The following FTCDNL1 variants were observed in gnomAD, a reference collection of about 807,000 sequenced individuals.
FTCDNL1 encodes the protein formiminotransferase N-terminal subdomain-containing protein.
A neutral mutation model predicts 5.9 loss-of-function variants in FTCDNL1; 11 were observed. The observed-to-expected ratio is 1.87, with a 90% CI of 1.18 to 3.10. The LOEUF (loss-of-function observed/expected upper bound fraction) is 3.10, where lower values mean the gene tolerates loss of function less well. Ranked by LOEUF, FTCDNL1 falls within the 30% of genes most tolerant of loss-of-function variation. The pLI, the probability that FTCDNL1 is intolerant of heterozygous loss-of-function variation, is 0.00. For synonymous variants in FTCDNL1, 58 were observed against 24.8 expected (o/e 2.34, Z -3.99); for missense variants, 115 against 65.5 (o/e 1.76, Z -2.61).
intron 3 of FTCDNL1, among the ~76,000 whole-genome samples, chr2:199,841,123 C>T (rs901763245): frequency 6.6e-6 from 1 of 151,916 alleles, no homozygotes; most frequent in Non-Finnish European, 1.5e-5. Context: ...TGCACTCCAG[C>T]CTGGCCAACC....
At chr2:199,670,974 C>T in the FTCDNL1 span, among the ~76,000 whole-genome samples, 5 of 152,100 alleles carry the variant, frequency 3.3e-5, no homozygotes, top group African/African-American at 1.2e-4. Flanking sequence ...AAGAAGTACA[C>T]GCCAGTGCTG....
rs139555892 is a variant in FTCDNL1 at position 199,779,467 on chromosome 2, T to C, written c.212-18632A>G. On this transcript the variant is annotated intron_variant, in intron 3 of 3. Coordinates refer to the FTCDNL1 transcript ENST00000416668. ...AGAAAGCAAAATGGAAGACTGAAAA[T>C]AGGAGAGGATTCTGGGAACACAGTG... Among the ~76,000 whole-genome samples the C allele has an allele frequency of 1.3e-3, 204 of 152,114 alleles. 1 individual carries two copies. Among genetic ancestry groups the C allele is most frequent in the African/African-American group, 4.7e-3 (193 of 41,490 alleles).
chr2:199,726,445 A>C, the FTCDNL1 span, among the ~76,000 whole-genome samples: 1 of 152,120 alleles, frequency 6.6e-6, no homozygotes, highest in Non-Finnish European at 1.5e-5. Flanking sequence ...GAGGTGTTGC[A>C]ATCATTTGGA....
At position 199,809,632 on chromosome 2, in the gene FTCDNL1, C is replaced by A. The variant is rs1226956527; in HGVS notation, c.*3073G>T. ...TTTTCTTTTCTTTCAAATAAAATTTCTTCTGCCAATACCCTTCTCTTTGCT... is the reference window on the plus strand; with the variant it reads ...TTTTCTTTTCTTTCAAATAAAATTTATTCTGCCAATACCCTTCTCTTTGCT... On this transcript the variant is annotated 3_prime_UTR_variant, in exon 5 of 5. Coordinates refer to ENST00000420128, the MANE Select transcript of FTCDNL1 (RefSeq NM_001363886.2). 1.3e-5 allele frequency among the ~76,000 whole-genome samples: 2 copies of A among 152,108 alleles called. No homozygotes were observed. Among genetic ancestry groups the A allele is most frequent in the Non-Finnish European group, 2.9e-5 (2 of 68,016 alleles).
the FTCDNL1 span, among the ~76,000 whole-genome samples, chr2:199,702,084 C>T: frequency 6.6e-6 from 1 of 151,702 alleles, no homozygotes; most frequent in African/African-American, 2.4e-5. Flanking sequence ...GGGAGCTAAA[C>T]ATTGAGTACA....
the FTCDNL1 span, among the ~76,000 whole-genome samples, chr2:199,673,188 T>TGAG: frequency 6.8e-6 from 1 of 147,078 alleles, no homozygotes; most frequent in East Asian, 2.6e-4. Context: ...ATTATCTGGG[T>TGAG]GTGGTGGCAT....
chr2:199,848,701 G>A, intron 2 of FTCDNL1, 147 bp downstream of exon 2: 2 of 557,754 alleles, frequency 3.6e-6, no homozygotes, highest in South Asian at 4.9e-5. Context: ...TCCTGGAGTT[G>A]CGCAGAGCTG....
At chr2:199,766,384 T>C (rs1253807047) in intron 3 of FTCDNL1, among the ~76,000 whole-genome samples, 1 of 152,140 alleles carries the variant, frequency 6.6e-6, no homozygotes, top group Admixed American at 6.5e-5. Context: ...AGCCTTCCCA[T>C]ATTGGCCTTT....
the FTCDNL1 span, among the ~76,000 whole-genome samples, chr2:199,665,926 C>T: frequency 6.6e-6 from 1 of 151,954 alleles, no homozygotes; most frequent in Non-Finnish European, 1.5e-5. Context: ...ACCAGCAAAA[C>T]CCTATTTTTT....
the FTCDNL1 span, among the ~76,000 whole-genome samples, chr2:199,713,313 CA>C: frequency 3.9e-5 from 6 of 151,992 alleles, no homozygotes; most frequent in Admixed American, 6.6e-5. Flanking sequence ...ACAAATGAAA[CA>C]TTTTTTTTTG....
At chr2:199,746,040 C>T in the FTCDNL1 span, among the ~76,000 whole-genome samples, 4 of 152,190 alleles carry the variant, frequency 2.6e-5, no homozygotes, top group Non-Finnish European at 5.9e-5. Context: ...ATTGCTTCTT[C>T]AAGGTCAACC....
At chr2:199,790,315 T>C (rs754132773) in intron 3 of FTCDNL1, among the ~76,000 whole-genome samples, 5 of 151,932 alleles carry the variant, frequency 3.3e-5, no homozygotes, top group Non-Finnish European at 5.9e-5. Context: ...CTGGCCAACA[T>C]GGTGAAACCC....
the FTCDNL1 span, among the ~76,000 whole-genome samples, chr2:199,669,372 AG>A: frequency 2.0e-5 from 3 of 152,194 alleles, no homozygotes; most frequent in Non-Finnish European, 2.9e-5. Flanking sequence ...TTGGAGGAAA[AG>A]CTAATTTTCA....
At chr2:199,763,680 A>G (rs1698377377) in intron 3 of FTCDNL1, among the ~76,000 whole-genome samples, 1 of 152,166 alleles carries the variant, frequency 6.6e-6, no homozygotes, top group African/African-American at 2.4e-5. Context: ...CCCCTATTCA[A>G]TGCCAAGAAG....
chr2:199,733,808 TA>T, the FTCDNL1 span, among the ~76,000 whole-genome samples: 51 of 152,362 alleles, frequency 3.3e-4, no homozygotes, highest in African/African-American at 1.2e-3. Flanking sequence ...TAGAAACCTT[TA>T]TATAAAAATT....
the FTCDNL1 span, among the ~76,000 whole-genome samples, chr2:199,667,065 G>A: frequency 6.6e-6 from 1 of 151,784 alleles, no homozygotes; most frequent in Non-Finnish European, 1.5e-5. Context: ...GACTGTGATT[G>A]CAACCTAAGT....
intron 3 of FTCDNL1, among the ~76,000 whole-genome samples, chr2:199,790,685 T>A (rs1405140516): frequency 1.3e-5 from 2 of 152,054 alleles, no homozygotes; most frequent in African/African-American, 4.8e-5. Flanking sequence ...CTTAAACATA[T>A]CCACACTGTC....
At chr2:199,753,660 C>G in the FTCDNL1 span, among the ~76,000 whole-genome samples, 1 of 152,206 alleles carries the variant, frequency 6.6e-6, no homozygotes, top group Non-Finnish European at 1.5e-5. Context: ...AAAAGGGACA[C>G]CTGCACTTAC....
At chr2:199,740,702 T>C in the FTCDNL1 span, among the ~76,000 whole-genome samples, 1 of 152,280 alleles carries the variant, frequency 6.6e-6, no homozygotes, top group Middle Eastern at 3.4e-3. Context: ...TCATTGAATC[T>C]CCTGTAGCCT....
Sources: allele counts gnomAD v4.1 joint callset (sites outside exome capture counted in the v4.1 genomes callset), GRCh38; gene constraint gnomAD v4.1.1; transcripts MANE v1.5; gene names NCBI Gene and HGNC (gene_info 2026-07-23, HGNC 2026-07-21).